SLMAP: variants seen among roughly 807,000 people sequenced by gnomAD.
The protein encoded by SLMAP is sarcolemma associated protein.
A neutral mutation model predicts 128.8 loss-of-function variants in SLMAP; 44 were observed. The observed-to-expected ratio is 0.34, with a 90% CI of 0.27 to 0.44. The LOEUF (loss-of-function observed/expected upper bound fraction) is 0.44, where lower values mean the gene tolerates loss of function less well. Ranked by LOEUF, SLMAP falls within the 20% of genes least tolerant of loss-of-function variation. The pLI, the probability that SLMAP is intolerant of heterozygous loss-of-function variation, is 1.00. For synonymous variants in SLMAP, 327 were observed against 348.8 expected (o/e 0.94, Z 0.70); for missense variants, 787 against 985.3 (o/e 0.80, Z 2.69).
Position 57,794,234 on chromosome 3 carries a change from G to A in SLMAP, c.198+36385G>A, listed in dbSNP as rs79546477. ...AATAGAACTTTCCAAAATTCTGTTC[G>A]TACGCTATACTCTCCTGGTTCTTAA... On this transcript the variant is annotated intron_variant, in intron 2 of 24. Transcript: ENST00000671191. 9.0e-4 allele frequency among the ~76,000 whole-genome samples: 136 copies of A among 151,828 alleles called. No individual in the cohort carries two copies. In the East Asian group the frequency reaches 9.5e-3, roughly 11 times the overall value.
chr3:57,812,836 T>C (rs2091231460), intron 2 of SLMAP, among the ~76,000 whole-genome samples: 1 of 152,004 alleles, frequency 6.6e-6, no homozygotes, highest in African/African-American at 2.4e-5. Flanking sequence ...TTTTTTTTTC[T>C]TAACCCCTTT....
At chr3:57,826,477 C>A (rs958506664) in intron 2 of SLMAP, among the ~76,000 whole-genome samples, 1 of 152,142 alleles carries the variant, frequency 6.6e-6, no homozygotes, top group African/African-American at 2.4e-5. Flanking sequence ...TTTTCTAATT[C>A]ACAGAGCTCC....
At chr3:57,893,768 T>G (rs2096161228) in intron 15 of SLMAP, among the ~76,000 whole-genome samples, 1 of 152,114 alleles carries the variant, frequency 6.6e-6, no homozygotes, top group Non-Finnish European at 1.5e-5. Flanking sequence ...AGAATGTAAC[T>G]TTGTGATCGA....
intron 14 of SLMAP, among the ~76,000 whole-genome samples, chr3:57,879,956 A>T (rs568329309): frequency 0.012 from 1,611 of 136,940 alleles, 33 homozygotes; most frequent in African/African-American, 0.042. Flanking sequence ...TCTCAAAAAA[A>T]AAAAAATAAA....
chr3:57,789,580 G>A (rs962760052), intron 2 of SLMAP, among the ~76,000 whole-genome samples: 1 of 152,072 alleles, frequency 6.6e-6, no homozygotes, highest in African/African-American at 2.4e-5. Flanking sequence ...GCTAAAACTG[G>A]ATTTTACAAG....
At chr3:57,792,140 GTAAA>G (rs2085608999) in intron 2 of SLMAP, among the ~76,000 whole-genome samples, 2 of 152,058 alleles carry the variant, frequency 1.3e-5, no homozygotes, top group Non-Finnish European at 2.9e-5. Flanking sequence ...ATTGTGTTGA[GTAAA>G]TATTTAGATG....
At chr3:57,818,308 A>G (rs1331076101) in intron 2 of SLMAP, among the ~76,000 whole-genome samples, 1 of 152,130 alleles carries the variant, frequency 6.6e-6, no homozygotes, top group African/African-American at 2.4e-5. Context: ...GGCATGCGCC[A>G]CCACACCCAG....
At chr3:57,806,740 C>T (rs907744341) in intron 2 of SLMAP, among the ~76,000 whole-genome samples, 5 of 152,074 alleles carry the variant, frequency 3.3e-5, no homozygotes, top group African/African-American at 4.8e-5. Flanking sequence ...ATGCCTGTAC[C>T]ACATTTTATT....
At chr3:57,833,557 C>A (rs2093463458) in intron 3 of SLMAP, among the ~76,000 whole-genome samples, 2 of 151,828 alleles carry the variant, frequency 1.3e-5, no homozygotes, top group African/African-American at 4.8e-5. Flanking sequence ...GTAGCTGGGA[C>A]TACAGGTGCA....
intron 2 of SLMAP, chr3:57,800,932 G>A (rs905227616): frequency 1.6e-4 from 39 of 245,308 alleles, no homozygotes; most frequent in Admixed American, 1.3e-3. Flanking sequence ...CTCTGACAAT[G>A]CCATGGCTCC....
intron 24 of SLMAP, among the ~76,000 whole-genome samples, 178 bp from the exon 25 acceptor site, chr3:57,927,115 CTCT>C (rs2097023684): frequency 6.6e-6 from 1 of 151,538 alleles, no homozygotes; most frequent in African/African-American, 2.4e-5. Flanking sequence ...GCTATTATGA[CTCT>C]TCTTATACCT....
At chr3:57,907,472 G>A (rs1011512263) in intron 17 of SLMAP, among the ~76,000 whole-genome samples, 21 of 152,076 alleles carry the variant, frequency 1.4e-4, no homozygotes, top group African/African-American at 5.1e-4. Context: ...GTTTCTTTTT[G>A]TTTTCCATAT....
At chr3:57,847,832 T>C (rs1017469280) in intron 5 of SLMAP, among the ~76,000 whole-genome samples, 1 of 152,174 alleles carries the variant, frequency 6.6e-6, no homozygotes, top group Non-Finnish European at 1.5e-5. Flanking sequence ...GTAACTAAAC[T>C]AGTGGAAAAA....
intron 6 of SLMAP, among the ~76,000 whole-genome samples, chr3:57,855,434 C>T (rs2094721760): frequency 6.6e-6 from 1 of 151,906 alleles, no homozygotes; most frequent in Admixed American, 6.6e-5. Context: ...GTACAAGGCA[C>T]TTACCATGCA....
chr3:57,863,540 G>A (rs1406149163), intron 10 of SLMAP, among the ~76,000 whole-genome samples: 2 of 152,220 alleles, frequency 1.3e-5, no homozygotes, highest in African/African-American at 4.8e-5. Context: ...GCAGGCTGAA[G>A]CTTCAGGCTG....
intron 6 of SLMAP, among the ~76,000 whole-genome samples, chr3:57,855,828 G>GACA (rs1344213858): frequency 2.0e-5 from 3 of 151,852 alleles, no homozygotes; most frequent in African/African-American, 7.3e-5. Flanking sequence ...CGGATCACTT[G>GACA]AGGTCAGGAG....
At chr3:57,892,759 A>G (rs1178928865) in intron 15 of SLMAP, among the ~76,000 whole-genome samples, 1 of 151,492 alleles carries the variant, frequency 6.6e-6, no homozygotes, top group Non-Finnish European at 1.5e-5. Context: ...AGCCTGGGCA[A>G]CGTAACAAGA....
chr3:57,906,300 CTTTTTTTTTCTTTTTTTTTTT>C (rs1447786151), intron 17 of SLMAP, among the ~76,000 whole-genome samples: 16 of 71,290 alleles, frequency 2.2e-4, no homozygotes, highest in African/African-American at 7.2e-4. Context: ...AAATTTTTTT[CTTTTTTTTTCTTTTTTTTTTT>C]TTTTTTTTTT....
intron 3 of SLMAP, among the ~76,000 whole-genome samples, chr3:57,840,264 C>G (rs2093869638): frequency 6.6e-6 from 1 of 152,222 alleles, no homozygotes; most frequent in Non-Finnish European, 1.5e-5. Flanking sequence ...AACATTAGCT[C>G]TATTCTTAAA....
Sources: allele counts gnomAD v4.1 joint callset (sites outside exome capture counted in the v4.1 genomes callset), GRCh38; gene constraint gnomAD v4.1.1; transcripts MANE v1.5; gene names NCBI Gene and HGNC (gene_info 2026-07-23, HGNC 2026-07-21).